Variants in B3GNT9 observed in about 807,000 individuals in gnomAD.
B3GNT9 encodes UDP-GlcNAc:betaGal beta-1,3-N-acetylglucosaminyltransferase 9.
For synonymous variants in B3GNT9, 359 were observed against 283.9 expected, an observed-to-expected ratio of 1.26 and a Z score of -2.66; for missense variants, 669 against 599.2, an observed-to-expected ratio of 1.12 and a Z score of -1.22.
In B3GNT9 at chr16:67,148,839, T is replaced by G; in HGVS notation, c.*438A>C. 6.3e-6 allele frequency: 1 copy of G among 159,296 alleles called. No individual in the cohort carries two copies. 9.9% of individuals were successfully genotyped at this position (159,296 alleles called of 1,614,324 possible). On this transcript the variant is annotated 3_prime_UTR_variant, in exon 2 of 2. Transcript: ENST00000449549. ...GAGCTATGGCAAAGTGCCTGCCAGG[T>G]TCATGAATTCAGGCTGTGGCGGCCG... is the stretch of plus-strand genomic sequence containing the variant.
Position 67,150,442 on chromosome 16 carries a change from A to G in B3GNT9, c.44T>C (p.Leu15Pro). 1.5e-6 allele frequency: 2 copies of G among 1,347,916 alleles called. No homozygotes were observed. The highest frequency in any genetic ancestry group is 1.9e-6 in the Non-Finnish European group (2 of 1,052,932). The allele number at this position is 1,347,916 out of a possible 1,614,324, so 83.5% of individuals were successfully genotyped here. A position where few individuals can be genotyped will look rare whatever the true frequency, so the allele number is the denominator to read the frequency against. The change falls in exon 2 of 2, where the codon CTG (leucine) becomes CCG (proline). Residue 15 changes from leucine (L) to proline (P), a missense_variant. Leu to Pro is a moderately conservative substitution (Grantham distance 98). Coordinates refer to ENST00000449549, the MANE Select transcript of B3GNT9 (RefSeq NM_033309.3). ...GAGGCCCAGGGAGGCGCCAAGGAGC[A>G]GCGTGAGCAATGCGTCCCTGCGTAG... The part of the protein sequence containing the change: ...LRLRRDALLT[L>P]LLGASLGLLL...
rs781734573 is a variant in B3GNT9, at chr16:67,150,275, C to T, written c.211G>A (p.Asp71Asn). The T allele has an allele frequency of 1.4e-6, 2 of 1,461,454 alleles. No homozygotes were observed. The highest frequency in any genetic ancestry group is 1.4e-5 in the South Asian group (1 of 70,382). The allele number at this position is 1,461,454 out of a possible 1,614,324, so 90.5% of individuals were successfully genotyped here. Residue 71 changes from aspartate (D) to asparagine (N), a missense_variant, in exon 2 of 2, where the codon GAC (aspartate) becomes AAC (asparagine). Coordinates refer to ENST00000449549, the MANE Select transcript of B3GNT9 (RefSeq NM_033309.3). ...AGAAPPAYEG[D>N]TPAPPTPTGP... ...GTAGGCGTGGGCGGCGCCGGTGTGT[C>T]CCCTTCGTAGGCCGGCGGGGCTGCA...
At position 67,150,069 on chromosome 16, in the gene B3GNT9, C is replaced by A; in HGVS notation, c.417G>T (p.Trp139Cys). The A allele has an allele frequency of 6.8e-7, 1 of 1,471,878 alleles. No individual in the cohort carries two copies. Among genetic ancestry groups the A allele is most frequent in the Non-Finnish European group, 9.0e-7 (1 of 1,114,694 alleles). The allele number at this position is 1,471,878 out of a possible 1,614,324, so 91.2% of individuals were successfully genotyped here. A position where few individuals can be genotyped will look rare whatever the true frequency, so the allele number is the denominator to read the frequency against. The change falls in exon 2 of 2, where the codon TGG (tryptophan) becomes TGT (cysteine). Residue 139 changes from tryptophan to cysteine, a missense_variant. Trp to Cys is a radical substitution (Grantham distance 215). Transcript: ENST00000449549. Reference protein sequence around the residue: ...FERRQAVRQTWGAEGRVQGAL... With the variant: ...FERRQAVRQTCGAEGRVQGAL... ...CCCCCTGCACGCGACCCTCCGCGCC[C>A]CACGTCTGGCGCACGGCTTGGCGCC...
At position 67,150,281 on chromosome 16, in the gene B3GNT9, C is replaced by T. The variant is rs1212334162; in HGVS notation, c.205G>A (p.Glu69Lys). 3.5e-6 allele frequency: 5 copies of T among 1,446,848 alleles called. No homozygotes were observed. The highest frequency in any genetic ancestry group is 4.6e-6 in the Non-Finnish European group (5 of 1,095,406). 89.6% of individuals were successfully genotyped at this position (1,446,848 alleles called of 1,614,324 possible). A position where few individuals can be genotyped will look rare whatever the true frequency, so the allele number is the denominator to read the frequency against. Residue 69 changes from glutamate to lysine, a missense_variant, in exon 2 of 2, where the codon GAA (glutamate) becomes AAA (lysine). By Grantham distance (56) the Glu-to-Lys change is moderately conservative. Coordinates refer to ENST00000449549, the MANE Select transcript of B3GNT9 (RefSeq NM_033309.3). ...GTGGGCGGCGCCGGTGTGTCCCCTT[C>T]GTAGGCCGGCGGGGCTGCACCCGCG... ...PDAGAAPPAY[E>K]GDTPAPPTPT...
chr16:67,149,814 G>C lies in B3GNT9; in HGVS notation c.672C>G (p.Phe224Leu), dbSNP rs267604595. The change falls in exon 2 of 2, where the codon TTC becomes TTG. Residue 224 changes from phenylalanine to leucine, a missense_variant. Transcript: ENST00000449549. Reference sequence around the variant, plus strand: ...ACACATCTGCGTCGCCCTTAAAAACGAAGCGCACGTCGGGGCAGAAAGCTG... The same window carrying C: ...ACACATCTGCGTCGCCCTTAAAAACCAAGCGCACGTCGGGGCAGAAAGCTG... ...WASAFCPDVR[F>L]VFKGDADVFV... 1 of 1,613,912 alleles carries C rather than the reference G, an allele frequency of 6.2e-7. No homozygotes were observed. Among genetic ancestry groups the C allele is most frequent in the Non-Finnish European group, 8.5e-7 (1 of 1,179,804 alleles).
Position 67,149,376 on chromosome 16 carries a change from A to T in B3GNT9, c.1110T>A (p.Ala370=), listed in dbSNP as rs746274790. The T allele has an allele frequency of 6.2e-7, 1 of 1,602,000 alleles. No homozygotes were observed. The highest frequency in any genetic ancestry group is 1.1e-5 in the South Asian group (1 of 89,276). The change falls in exon 2 of 2, where the codon GCT becomes GCA. Residue 370 remains alanine (A), a synonymous_variant. Coordinates refer to ENST00000449549, the MANE Select transcript of B3GNT9 (RefSeq NM_033309.3). ...ELVVVHGLSA[A]DIWLMWRLLH... is the part of the protein sequence containing the mutation. Reference sequence around the variant, plus strand: ...GCAGGCGCCACATAAGCCAGATGTCAGCGGCCGAGAGCCCGTGCACTACAA... The same window carrying T: ...GCAGGCGCCACATAAGCCAGATGTCTGCGGCCGAGAGCCCGTGCACTACAA...
Position 67,150,595 on chromosome 16 carries a change from G to A in B3GNT9, c.-110C>T. On this transcript the variant is annotated 5_prime_UTR_variant, in exon 2 of 2. Transcript: ENST00000449549. ...GGGCGGGAGGCCACGCCCCGGGGGG[G>A]GCTCCAGCGACCGACGGTTGAGCCC... 1 of 954,964 alleles carries A rather than the reference G, an allele frequency of 1.0e-6. No individual in the cohort carries two copies. Among genetic ancestry groups the A allele is most frequent in the Non-Finnish European group, 1.4e-6 (1 of 732,824 alleles). The allele number at this position is 954,964 out of a possible 1,614,324, so 59.2% of individuals were successfully genotyped here.
chr16:67,149,460 G>A lies in B3GNT9; in HGVS notation c.1026C>T (p.Pro342=), dbSNP rs1439818961. Residue 342 remains proline, a synonymous_variant, in exon 2 of 2, where the codon CCC becomes CCT. Coordinates refer to ENST00000449549, the MANE Select transcript of B3GNT9 (RefSeq NM_033309.3). ...TCAAATGCGGCGCGGCTGAAGGCTG[G>A]GGGATGCCAAAGGTGCGGAAGGCAG... is the stretch of plus-strand genomic sequence containing the variant. ...PHPAFRTFGI[P]QPSAAPHLST... 4 of 1,608,014 alleles carry A rather than the reference G, an allele frequency of 2.5e-6. No individual in the cohort carries two copies. Among genetic ancestry groups the A allele is most frequent in the Non-Finnish European group, 3.4e-6 (4 of 1,177,224 alleles).
chr16:67,150,574 G>A lies in B3GNT9; in HGVS notation c.-89C>T. 8.9e-7 allele frequency: 1 copy of A among 1,121,926 alleles called. No individual in the cohort carries two copies. Among genetic ancestry groups the A allele is most frequent in the Non-Finnish European group, 1.1e-6 (1 of 885,444 alleles). The allele number at this position is 1,121,926 out of a possible 1,614,324, so 69.5% of individuals were successfully genotyped here. On this transcript the variant is annotated 5_prime_UTR_variant, in exon 2 of 2. Transcript: ENST00000449549. ...CCCCGCCCTCCCCAGCTGAGGGGGCGGGAGGCCACGCCCCGGGGGGGGCTC... is the reference window on the plus strand; with the variant it reads ...CCCCGCCCTCCCCAGCTGAGGGGGCAGGAGGCCACGCCCCGGGGGGGGCTC...
Position 67,150,291 on chromosome 16 carries a change from CG to C in B3GNT9, c.194del (p.Pro65ArgfsTer140). 7.0e-7 allele frequency: 1 copy of C among 1,428,980 alleles called. No individual in the cohort carries two copies. Among genetic ancestry groups the C allele is most frequent in the Non-Finnish European group, 9.2e-7 (1 of 1,086,376 alleles). 88.5% of individuals were successfully genotyped at this position (1,428,980 alleles called of 1,614,324 possible). ...CCGGTGTGTCCCCTTCGTAGGCCGG[CG>C]GGGCTGCACCCGCGTCGGGTAACTG... is the stretch of plus-strand genomic sequence containing the variant. ...AFQLPDAGAA[P>X]PAYEGDTPAP... On this transcript the variant is annotated frameshift_variant, in exon 2 of 2. Transcript: ENST00000449549. LOFTEE classifies it low-confidence loss of function (END_TRUNC).
Position 67,150,579 on chromosome 16 carries a change from G to C in B3GNT9, c.-94C>G. On this transcript the variant is annotated 5_prime_UTR_variant, in exon 2 of 2. Transcript: ENST00000449549. ...CCCTCCCCAGCTGAGGGGGCGGGAG[G>C]CCACGCCCCGGGGGGGGCTCCAGCG... 9.2e-7 allele frequency: 1 copy of C among 1,087,148 alleles called. No homozygotes were observed. Among genetic ancestry groups the C allele is most frequent in the Non-Finnish European group, 1.2e-6 (1 of 853,864 alleles). 67.3% of individuals were successfully genotyped at this position (1,087,148 alleles called of 1,614,324 possible). A position where few individuals can be genotyped will look rare whatever the true frequency, so the allele number is the denominator to read the frequency against.
chr16:67,149,877 G>A lies in B3GNT9; in HGVS notation c.609C>T (p.Asn203=), dbSNP rs1209633764. The A allele has an allele frequency of 1.2e-6, 2 of 1,612,652 alleles. No individual in the cohort carries two copies. Among genetic ancestry groups the A allele is most frequent in the Non-Finnish European group, 1.7e-6 (2 of 1,179,224 alleles). ...LLWAFDDTFF[N]LTLKEIHFLA... ...GAAAGTGGATCTCCTTGAGCGTTAG[G>A]TTAAAAAAGGTGTCGTCGAAGGCCC... The change falls in exon 2 of 2, where the codon AAC becomes AAT. Residue 203 remains asparagine (N), a synonymous_variant. Transcript: ENST00000449549.
Position 67,150,238 on chromosome 16 carries a change from T to C in B3GNT9, c.248A>G (p.Asp83Gly), listed in dbSNP as rs762923387. The change falls in exon 2 of 2, where the codon GAC (aspartate) becomes GGC (glycine). Residue 83 changes from aspartate to glycine, a missense_variant. Transcript: ENST00000449549. ...CTTGGCGCGCAAATAGCGGGCGAAG[T>C]CAAAGGGTCCCGTAGGCGTGGGCGG... ...PAPPTPTGPF[D>G]FARYLRAKDQ... The C allele has an allele frequency of 1.3e-6, 2 of 1,543,946 alleles. No individual in the cohort carries two copies. Among genetic ancestry groups the C allele is most frequent in the South Asian group, 1.2e-5 (1 of 83,742 alleles).
Position 67,149,247 on chromosome 16 carries a change from G to C in B3GNT9, c.*30C>G. 6.6e-7 allele frequency: 1 copy of C among 1,515,068 alleles called. No individual in the cohort carries two copies. Among genetic ancestry groups the C allele is most frequent in the Non-Finnish European group, 8.8e-7 (1 of 1,133,186 alleles). 93.9% of individuals were successfully genotyped at this position (1,515,068 alleles called of 1,614,324 possible). A position where few individuals can be genotyped will look rare whatever the true frequency, so the allele number is the denominator to read the frequency against. ...GGGAAACCGGCTCCATTCTGGGTCTGAGTTAGGAGCTTGGGGCTGTAGTGG... is the reference window on the plus strand; with the variant it reads ...GGGAAACCGGCTCCATTCTGGGTCTCAGTTAGGAGCTTGGGGCTGTAGTGG... On this transcript the variant is annotated 3_prime_UTR_variant, in exon 2 of 2. Transcript: ENST00000449549.
rs1746920401 is a variant in B3GNT9, at chr16:67,148,203, T to C, written c.*1074A>G. On this transcript the variant is annotated 3_prime_UTR_variant, in exon 2 of 2. Transcript: ENST00000449549. ...ATGTGTGTACAGATTTTTGTAAATA[T>C]GACTCTTTTGTAATTAACTCATGTA... 1 of 152,702 alleles carries C rather than the reference T, an allele frequency of 6.5e-6. No homozygotes were observed. The highest frequency in any genetic ancestry group is 1.5e-5 in the Non-Finnish European group (1 of 68,054). The allele number at this position is 152,702 out of a possible 1,614,324, so 9.5% of individuals were successfully genotyped here.
Position 67,148,205 on chromosome 16 carries a change from A to G in B3GNT9, c.*1072T>C, listed in dbSNP as rs1468980828. The G allele has an allele frequency of 6.6e-6, 1 of 152,418 alleles. No individual in the cohort carries two copies. The highest frequency in any genetic ancestry group is 1.5e-5 in the Non-Finnish European group (1 of 67,998). The allele number at this position is 152,418 out of a possible 1,614,324, so 9.4% of individuals were successfully genotyped here. ...GTGTGTACAGATTTTTGTAAATATG[A>G]CTCTTTTGTAATTAACTCATGTACA... On this transcript the variant is annotated 3_prime_UTR_variant, in exon 2 of 2. Transcript: ENST00000449549.
Position 67,150,171 on chromosome 16 carries a change from C to G in B3GNT9, c.315G>C (p.Lys105Asn). The G allele has an allele frequency of 2.6e-6, 4 of 1,552,596 alleles. No individual in the cohort carries two copies. Among genetic ancestry groups the G allele is most frequent in the Non-Finnish European group, 3.5e-6 (4 of 1,153,016 alleles). The change falls in exon 2 of 2, where the codon AAG (lysine) becomes AAC (asparagine). Residue 105 changes from lysine to asparagine, a missense_variant. By Grantham distance (94) the Lys-to-Asn change is moderately conservative. Transcript: ENST00000449549. The part of the protein sequence containing the change: ...RFPLLINQPH[K>N]CRGDGAPGGR... ...CACCGGGTGCGCCGTCGCCGCGGCA[C>G]TTGTGCGGCTGGTTAATGAGCAGTG...
Position 67,149,187 on chromosome 16 carries a change from TG to T in B3GNT9, c.*89del. 1 of 1,453,698 alleles carries T rather than the reference TG, an allele frequency of 6.9e-7. No homozygotes were observed. Among genetic ancestry groups the T allele is most frequent in the Non-Finnish European group, 9.1e-7 (1 of 1,103,916 alleles). The allele number at this position is 1,453,698 out of a possible 1,614,324, so 90.0% of individuals were successfully genotyped here. Reference sequence around the variant, plus strand: ...GGATCCTGTGGAGACAGGCACCTGGTGATCAGGGAAGAACCACATACACGGC... The same window carrying T: ...GGATCCTGTGGAGACAGGCACCTGGTATCAGGGAAGAACCACATACACGGC... On this transcript the variant is annotated 3_prime_UTR_variant, in exon 2 of 2. Coordinates refer to ENST00000449549, the MANE Select transcript of B3GNT9 (RefSeq NM_033309.3).
Position 67,150,084 on chromosome 16 carries a change from G to A in B3GNT9, c.402C>T (p.Ala134=), listed in dbSNP as rs536556161. ...CCTCCGCGCCCCACGTCTGGCGCAC[G>A]GCTTGGCGCCGCTCGAAGTCCTCTG... is the stretch of plus-strand genomic sequence containing the variant. ...SVAEDFERRQ[A]VRQTWGAEGR... Residue 134 remains alanine, a synonymous_variant, in exon 2 of 2, where the codon GCC becomes GCT. Coordinates refer to ENST00000449549, the MANE Select transcript of B3GNT9 (RefSeq NM_033309.3). 3.4e-6 allele frequency: 5 copies of A among 1,452,998 alleles called. No individual in the cohort carries two copies. The African/African-American group carries it at 6.0e-5, about 17-fold the overall frequency. The allele number at this position is 1,452,998 out of a possible 1,614,324, so 90.0% of individuals were successfully genotyped here.
Sources: gnomAD v4.1 joint callset for allele counts on GRCh38, gnomAD v4.1.1 for gene constraint, MANE v1.5 for transcripts, NCBI Gene and HGNC (gene_info 2026-07-23, HGNC 2026-07-21) for gene names.